COL8A1: variants seen among roughly 807,000 people sequenced by gnomAD.
COL8A1 encodes the protein collagen alpha-1(VIII) chain.
COL8A1 carries 21 observed loss-of-function variants against 42.7 expected under a neutral mutation model. That is an observed-to-expected ratio of 0.49 (90% CI 0.35 to 0.71). The LOEUF (loss-of-function observed/expected upper bound fraction) is 0.71. COL8A1 is among the 30% of genes least tolerant of loss of function. COL8A1 has a pLI of 0.01. For missense variants in COL8A1, 788 were observed against 962.4 expected (o/e 0.82, Z 2.40); for synonymous variants, 367 against 369.1 (o/e 0.99, Z 0.06).
intron 1 of COL8A1, among the ~76,000 whole-genome samples, chr3:99,698,579 G>T (rs1363197558): frequency 3.9e-5 from 6 of 152,152 alleles, no homozygotes; most frequent in African/African-American, 1.4e-4. Flanking sequence ...CAGAAAGCTG[G>T]ATCTCTGCCC....
chr3:99,773,832 TA>T (rs1295743983), intron 2 of COL8A1, among the ~76,000 whole-genome samples: 44 of 77,814 alleles, frequency 5.7e-4, no homozygotes, highest in African/African-American at 1.3e-3. Flanking sequence ...TATATATATA[TA>T]TATATTTTTT....
At chr3:99,728,333 C>T (rs890691849) in intron 1 of COL8A1, among the ~76,000 whole-genome samples, 1 of 152,078 alleles carries the variant, frequency 6.6e-6, no homozygotes, top group African/African-American at 2.4e-5. Flanking sequence ...GATTCTAGAG[C>T]ATTTCAGAAC....
chr3:99,791,526 T>C (rs1942000738), intron 3 of COL8A1, among the ~76,000 whole-genome samples: 1 of 152,228 alleles, frequency 6.6e-6, no homozygotes, highest in Non-Finnish European at 1.5e-5. Context: ...TGTCAATCAA[T>C]AGATCAACAG....
chr3:99,726,579 G>A (rs1940333641), intron 1 of COL8A1, among the ~76,000 whole-genome samples: 1 of 151,966 alleles, frequency 6.6e-6, no homozygotes, highest in Admixed American at 6.6e-5. Context: ...ATCTTGAATT[G>A]ATTTTTGTAT....
intron 1 of COL8A1, among the ~76,000 whole-genome samples, chr3:99,731,318 A>C (rs1940502225): frequency 6.6e-6 from 1 of 152,166 alleles, no homozygotes; most frequent in African/African-American, 2.4e-5. Flanking sequence ...AAGCGTCCAG[A>C]CAGCCATGCA....
At chr3:99,735,460 T>C (rs1443077992) in intron 1 of COL8A1, among the ~76,000 whole-genome samples, 3 of 127,258 alleles carry the variant, frequency 2.4e-5, no homozygotes, top group Admixed American at 8.2e-5. Context: ...CATTTATTGA[T>C]TTGCATATAT....
chr3:99,716,260 C>A (rs1452326859), intron 1 of COL8A1, among the ~76,000 whole-genome samples: 1 of 151,992 alleles, frequency 6.6e-6, no homozygotes, highest in Admixed American at 6.6e-5. Context: ...GCAAAAGATT[C>A]TCTTGAGCAA....
intron 1 of COL8A1, among the ~76,000 whole-genome samples, chr3:99,693,066 T>C (rs1939268226): frequency 6.6e-6 from 1 of 152,156 alleles, no homozygotes; most frequent in Non-Finnish European, 1.5e-5. Context: ...GGCGCGTGTT[T>C]GTAATCCCAG....
intron 1 of COL8A1, among the ~76,000 whole-genome samples, chr3:99,668,644 A>T (rs1938437237): frequency 6.6e-6 from 1 of 152,088 alleles, no homozygotes; most frequent in Admixed American, 6.6e-5. Flanking sequence ...CATTAAAAAA[A>T]CCTGACCCTC....
At chr3:99,700,209 C>T (rs898675153) in intron 1 of COL8A1, among the ~76,000 whole-genome samples, 2 of 151,846 alleles carry the variant, frequency 1.3e-5, no homozygotes, top group African/African-American at 4.8e-5. Flanking sequence ...TTTATAGATG[C>T]AGAGCATGAA....
At chr3:99,771,889 C>A (rs1941587774) in intron 2 of COL8A1, among the ~76,000 whole-genome samples, 1 of 152,176 alleles carries the variant, frequency 6.6e-6, no homozygotes, top group Non-Finnish European at 1.5e-5. Context: ...CTCCTGGCTT[C>A]CCCATCACAA....
At chr3:99,724,847 T>C (rs1319001590) in intron 1 of COL8A1, among the ~76,000 whole-genome samples, 3 of 152,096 alleles carry the variant, frequency 2.0e-5, no homozygotes, top group Non-Finnish European at 4.4e-5. Context: ...TATGAGCCAC[T>C]CACTGTGTAT....
At chr3:99,650,671 T>G (rs1335484995) in intron 1 of COL8A1, among the ~76,000 whole-genome samples, 1 of 152,146 alleles carries the variant, frequency 6.6e-6, no homozygotes, top group African/African-American at 2.4e-5. Flanking sequence ...TGAGCTAAGG[T>G]GCTCTCCCCA....
At chr3:99,747,669 G>A (rs1207318517) in intron 2 of COL8A1, among the ~76,000 whole-genome samples, 3 of 152,100 alleles carry the variant, frequency 2.0e-5, no homozygotes, top group Non-Finnish European at 4.4e-5. Context: ...AATTTTTGAT[G>A]ACTGTAATTC....
intron 1 of COL8A1, among the ~76,000 whole-genome samples, chr3:99,734,463 T>C (rs1210748547): frequency 6.6e-6 from 1 of 150,768 alleles, no homozygotes; most frequent in African/African-American, 2.5e-5. Flanking sequence ...TAGTTGTAGA[T>C]ATGTGGTATT....
At chr3:99,783,119 C>T (rs1352079155) in intron 2 of COL8A1, among the ~76,000 whole-genome samples, 4 of 152,128 alleles carry the variant, frequency 2.6e-5, no homozygotes, top group African/African-American at 7.2e-5. Flanking sequence ...ACTTACAGTT[C>T]GGCAGAAGAG....
At chr3:99,648,043 A>C (rs1240711635) in intron 1 of COL8A1, among the ~76,000 whole-genome samples, 2 of 152,238 alleles carry the variant, frequency 1.3e-5, no homozygotes, top group Admixed American at 1.3e-4. Flanking sequence ...CAAACACATC[A>C]TTAATGGTTA....
intron 2 of COL8A1, among the ~76,000 whole-genome samples, chr3:99,759,191 C>T (rs1203743012): frequency 1.3e-5 from 2 of 151,478 alleles, no homozygotes; most frequent in Non-Finnish European, 2.9e-5. Context: ...AATACAAGCT[C>T]CATGAGAACA....
intron 2 of COL8A1, among the ~76,000 whole-genome samples, chr3:99,789,536 AGTGT>A (rs1332576165): frequency 6.6e-6 from 1 of 152,166 alleles, no homozygotes; most frequent in African/African-American, 2.4e-5. Flanking sequence ...AACAGACCTA[AGTGT>A]GTATCACACT....
Sources: gnomAD v4.1 joint callset for allele counts (sites outside exome capture counted in the v4.1 genomes callset) on GRCh38, gnomAD v4.1.1 for gene constraint, MANE v1.5 for transcripts, NCBI Gene and HGNC (gene_info 2026-07-23, HGNC 2026-07-21) for gene names.